The following GART variants were observed in gnomAD, a reference collection of about 807,000 sequenced individuals.
GART encodes the protein trifunctional purine biosynthetic protein adenosine-3.
A neutral mutation model predicts 107.2 loss-of-function variants in GART; 43 were observed. The observed-to-expected ratio is 0.40, with a 90% confidence interval of 0.31 to 0.52. GART has a LOEUF of 0.52. Ranked by LOEUF, GART falls within the 20% of genes least tolerant of loss-of-function variation. GART has a pLI of 0.52. For missense variants in GART, 1,107 were observed against 1,206.5 expected (o/e 0.92, Z 1.22); for synonymous variants, 434 against 427.0 (o/e 1.02, Z -0.20).
chr21:33,508,515 CTT>C lies in GART; in HGVS notation c.2452+1266_2452+1267del, dbSNP rs764380446. 4.4e-3 allele frequency among the ~76,000 whole-genome samples: 480 copies of C among 109,794 alleles called. 1 individual carries two copies. Among genetic ancestry groups the C allele is most frequent in the African/African-American group, 0.015 (459 of 30,850 alleles). 72.0% of individuals were successfully genotyped at this position (109,794 alleles called of 152,430 possible). ...CCTGTTTTGTATCTATTGTTTCCAT[CTT>C]TTTTTTTTTTTTTTTTTTTGAGATG... On this transcript the variant is annotated intron_variant, in intron 18 of 21. Coordinates refer to ENST00000381815, the MANE Select transcript of GART (RefSeq NM_000819.5).
At chr21:33,516,928 C>G in intron 16 of GART, 61 bp downstream of exon 16, 1 of 1,424,276 alleles carries the variant, frequency 7.0e-7, no homozygotes, top group Non-Finnish European at 9.6e-7. Flanking sequence ...ATAGTTTTCT[C>G]GCACAATGCA....
Position 33,539,819 on chromosome 21 carries a change from C to T in GART, c.-41-463G>A, listed in dbSNP as rs182453278. 7.2e-5 allele frequency among the ~76,000 whole-genome samples: 11 copies of T among 152,120 alleles called. No individual in the cohort carries two copies. The East Asian group carries it at 9.7e-4, about 13-fold the overall frequency. ...TTCATAATTTGAGAAATATGACTGT[C>T]GTCATAAGCATAAGGGAGGTATTTC... On this transcript the variant is annotated intron_variant, in intron 1 of 21. Coordinates refer to ENST00000381815, the MANE Select transcript of GART (RefSeq NM_000819.5).
At chr21:33,523,330 G>A (rs2085006493) in intron 11 of GART, among the ~76,000 whole-genome samples, 1 of 152,154 alleles carries the variant, frequency 6.6e-6, no homozygotes, top group Admixed American at 6.5e-5. Flanking sequence ...CTCTCAGATA[G>A]AAAACAAAGA....
chr21:33,542,865 C>G (rs529706662), upstream of GART: 538 of 588,308 alleles, frequency 9.1e-4, 5 homozygotes, highest in Non-Finnish European at 1.3e-3. Context: ...CGGACATAGT[C>G]GTGCGCGGCG....
chr21:33,517,134 T>G lies in GART; in HGVS notation c.1962A>C (p.Leu654Phe). Residue 654 changes from leucine to phenylalanine, a missense_variant, in exon 16 of 22, where the codon TTA becomes TTC. Transcript: ENST00000381815. ...TGTAGATTCTGGTAGGCGTGAGAAG[T>G]AAGTCCCCTGCATGTTGAAGAGAGA... ...DGCGDQTLGD[L>F]LLTPTRIYSH... The G allele has an allele frequency of 6.2e-7, 1 of 1,605,868 alleles. No individual in the cohort carries two copies. Among genetic ancestry groups the G allele is most frequent in the Non-Finnish European group, 8.5e-7 (1 of 1,177,890 alleles).
intron 2 of GART, among the ~76,000 whole-genome samples, chr21:33,536,078 C>T (rs550741735): frequency 6.6e-6 from 1 of 151,916 alleles, no homozygotes; most frequent in South Asian, 2.1e-4. Context: ...CTATACTTAA[C>T]ATGTTTACAA....
chr21:33,520,699 C>T, intron 13 of GART, 137 bp from the exon 14 acceptor site: 1 of 762,494 alleles, frequency 1.3e-6, no homozygotes, highest in African/African-American at 1.8e-5. Flanking sequence ...AAAAGCATCC[C>T]CTTTTATCCT....
chr21:33,527,297 T>C (rs2085091547), intron 10 of GART, among the ~76,000 whole-genome samples: 1 of 152,048 alleles, frequency 6.6e-6, no homozygotes, highest in Non-Finnish European at 1.5e-5. Context: ...GGTAGGCGGA[T>C]CACTTGAGGT....
chr21:33,535,529 T>C (rs1373493423), intron 2 of GART, among the ~76,000 whole-genome samples: 1 of 152,186 alleles, frequency 6.6e-6, no homozygotes, highest in South Asian at 2.1e-4. Context: ...AGTTCTCCGT[T>C]ATCATTGTAG....
At chr21:33,513,816 T>C (rs1046929900) in intron 16 of GART, among the ~76,000 whole-genome samples, 1 of 152,228 alleles carries the variant, frequency 6.6e-6, no homozygotes, top group Non-Finnish European at 1.5e-5. Flanking sequence ...AGTGATGACA[T>C]ATTTAATGGC....
intron 10 of GART, among the ~76,000 whole-genome samples, chr21:33,526,374 A>C (rs958995812): frequency 2.6e-5 from 4 of 151,384 alleles, no homozygotes; most frequent in Non-Finnish European, 5.9e-5. Flanking sequence ...GGGTTTCACC[A>C]TGTTGGCCAG....
intron 19 of GART, 74 bp from the exon 20 acceptor site, chr21:33,505,776 AG>A (rs2084667763): frequency 3.3e-5 from 46 of 1,394,698 alleles, no homozygotes; most frequent in Non-Finnish European, 4.3e-5. Context: ...ACCTTTACAC[AG>A]ACCATACTTC....
chr21:33,529,813 AACATTATGAC>A (rs1456738457), intron 7 of GART: 1 of 154,416 alleles, frequency 6.5e-6, no homozygotes, highest in Non-Finnish European at 1.5e-5. Flanking sequence ...CATTAGCACA[AACATTATGAC>A]TATCTTCAAT....
At chr21:33,517,181 A>C (rs771398641) in intron 15 of GART, 40 bp from the exon 16 acceptor site, 2 of 1,577,512 alleles carry the variant, frequency 1.3e-6, no homozygotes, top group Non-Finnish European at 1.7e-6. Context: ...TAGCCTATGA[A>C]TAGAAAACCA....
chr21:33,541,570 C>T (rs1192791825), intron 1 of GART, among the ~76,000 whole-genome samples: 3 of 152,212 alleles, frequency 2.0e-5, no homozygotes, highest in Admixed American at 6.5e-5. Flanking sequence ...GACGCCTGGG[C>T]TCCTGAGTCT....
At chr21:33,535,856 C>A (rs182890323) in intron 2 of GART, among the ~76,000 whole-genome samples, 156 of 152,092 alleles carry the variant, frequency 1.0e-3, no homozygotes, top group Admixed American at 2.2e-3. Flanking sequence ...GATGAAACCC[C>A]GTCTCTACTA....
At chr21:33,533,007 C>T (rs1569032764) in intron 4 of GART, among the ~76,000 whole-genome samples, 2 of 151,828 alleles carry the variant, frequency 1.3e-5, no homozygotes, top group African/African-American at 4.8e-5. Flanking sequence ...ATGAAACTGA[C>T]ACAACTGAAA....
At chr21:33,540,827 G>T (rs2085399749) in intron 1 of GART, among the ~76,000 whole-genome samples, 1 of 152,096 alleles carries the variant, frequency 6.6e-6, no homozygotes, top group South Asian at 2.1e-4. Context: ...CCTTGGGCAG[G>T]GTACTATTTA....
intron 21 of GART, 41 bp downstream of exon 21, chr21:33,504,371 C>T (rs1279981983): frequency 1.1e-5 from 17 of 1,609,254 alleles, no homozygotes; most frequent in Non-Finnish European, 1.4e-5. Flanking sequence ...TCATTTACAT[C>T]TGACTACTAA....
Sources: gnomAD v4.1 joint callset for allele counts (sites outside exome capture counted in the v4.1 genomes callset) on GRCh38, gnomAD v4.1.1 for gene constraint, MANE v1.5 for transcripts, NCBI Gene and HGNC (gene_info 2026-07-23, HGNC 2026-07-21) for gene names.